Variants in FAM13A observed in about 807,000 individuals in gnomAD.
FAM13A encodes protein FAM13A.
In FAM13A, 76 loss-of-function variants were observed where a neutral mutation model predicts 129.6. That is an observed-to-expected ratio of 0.59 (90% CI 0.49 to 0.71). The LOEUF is 0.71. Ranked by LOEUF, FAM13A falls within the 30% of genes least tolerant of loss-of-function variation. FAM13A has a pLI of 0.00. For synonymous variants in FAM13A, 443 were observed against 449.9 expected (o/e 0.98, Z 0.20); for missense variants, 1,108 against 1,249.3 (o/e 0.89, Z 1.70).
At chr4:88,833,566 T>C (rs142590217) in intron 7 of FAM13A, among the ~76,000 whole-genome samples, 32 of 152,184 alleles carry the variant, frequency 2.1e-4, no homozygotes, top group African/African-American at 7.0e-4. Flanking sequence ...AAAATAAAAA[T>C]GAAACAAAAT....
intron 7 of FAM13A, among the ~76,000 whole-genome samples, chr4:88,842,888 AGATTTTT>A (rs1369558650): frequency 6.6e-6 from 1 of 152,254 alleles, no homozygotes; most frequent in Admixed American, 6.5e-5. Flanking sequence ...ATTGAAGGGC[AGATTTTT>A]GTGAATGAGT....
intron 7 of FAM13A, among the ~76,000 whole-genome samples, chr4:88,818,492 A>G (rs1213944265): frequency 1.3e-5 from 2 of 152,204 alleles, no homozygotes; most frequent in Non-Finnish European, 2.9e-5. Context: ...TTACTTTTTC[A>G]GTGGTTTAGA....
chr4:88,807,838 A>AT (rs1047587848), intron 7 of FAM13A, among the ~76,000 whole-genome samples: 1 of 152,204 alleles, frequency 6.6e-6, no homozygotes, highest in Non-Finnish European at 1.5e-5. Context: ...ATAAGCAAAT[A>AT]TTTTATCTGG....
chr4:88,961,824 A>G (rs1395577488), intron 4 of FAM13A, among the ~76,000 whole-genome samples: 1 of 152,204 alleles, frequency 6.6e-6, no homozygotes, highest in Non-Finnish European at 1.5e-5. Context: ...AGGGCTGCAA[A>G]AACAGCTTTT....
chr4:88,749,876 A>C lies in FAM13A; in HGVS notation c.1974T>G (p.Asp658Glu), dbSNP rs761574196. 1.2e-6 allele frequency: 2 copies of C among 1,613,936 alleles called. No homozygotes were observed. Among genetic ancestry groups the C allele is most frequent in the East Asian group, 4.5e-5 (2 of 44,886 alleles). ...GGGCAGGTGTCAGGTCCTCTTGCTC[A>C]TCATCATAGGACCCCAGAGAGGAGC... The part of the protein sequence containing the change: ...RRSSSLGSYD[D>E]EQEDLTPAQL... The change falls in exon 16 of 24, where the codon GAT (aspartate) becomes GAG (glutamate). Residue 658 changes from aspartate (D) to glutamate (E), a missense_variant. By Grantham distance (45) the Asp-to-Glu change is conservative (BLOSUM62 2). Around this residue, in one of 3 missense-constraint regions of FAM13A, gnomAD observed 529 missense variants for 621.2 expected, o/e 0.85. Transcript: ENST00000264344.
intron 6 of FAM13A, among the ~76,000 whole-genome samples, chr4:88,898,524 A>C (rs1746726418): frequency 6.6e-6 from 1 of 152,164 alleles, no homozygotes; most frequent in South Asian, 2.1e-4. Flanking sequence ...TTATTTCTTT[A>C]AAAATAAACC....
chr4:88,963,473 T>C (rs190098830), intron 4 of FAM13A, among the ~76,000 whole-genome samples: 28 of 152,230 alleles, frequency 1.8e-4, no homozygotes, highest in Non-Finnish European at 3.1e-4. Context: ...AATTTTTGTA[T>C]TTTTATTAGA....
At chr4:88,815,812 T>C (rs1730604925) in intron 7 of FAM13A, among the ~76,000 whole-genome samples, 1 of 152,144 alleles carries the variant, frequency 6.6e-6, no homozygotes, top group Admixed American at 6.5e-5. Flanking sequence ...TACGTTTATT[T>C]AGAAAAATTA....
At position 88,747,648 on chromosome 4, in the gene FAM13A, G is replaced by A. The variant is rs761238775; in HGVS notation, c.2365C>T (p.Arg789Cys). The A allele has an allele frequency of 2.2e-5, 36 of 1,613,994 alleles. No homozygotes were observed. Among genetic ancestry groups the A allele is most frequent in the Non-Finnish European group, 2.8e-5 (33 of 1,179,978 alleles). Residue 789 changes from arginine to cysteine, a missense_variant, in exon 18 of 24, where the codon CGC becomes TGC. Physicochemically the swap from Arg to Cys is radical, Grantham distance 180. Around this residue, in one of 3 missense-constraint regions of FAM13A, gnomAD observed 529 missense variants for 621.2 expected, o/e 0.85. Transcript: ENST00000264344. ...GATCGCACCTTAATGTCCTCAGGGCGGCTGCTTTCCGCTCGCTTCTCCTGG... is the reference window on the plus strand; with the variant it reads ...GATCGCACCTTAATGTCCTCAGGGCAGCTGCTTTCCGCTCGCTTCTCCTGG... ...KLQEKRAESS[R>C]PEDIKDMTKD...
At position 88,924,199 on chromosome 4, in the gene FAM13A, A is replaced by G. The variant is rs1284535200; in HGVS notation, c.759+13889T>C. On this transcript the variant is annotated intron_variant, in intron 5 of 23. Coordinates refer to ENST00000264344, the MANE Select transcript of FAM13A (RefSeq NM_014883.4). ...GACTTTCTTCACAGAATTGGAAAAA[A>G]CTACTTTAAAGTTCATATGGAACCC... Among the ~76,000 whole-genome samples the G allele has an allele frequency of 2.6e-5, 4 of 152,298 alleles. No individual in the cohort carries two copies. In the East Asian group the frequency reaches 7.7e-4, roughly 29 times the overall value.
chr4:88,849,951 T>G (rs1318773401), intron 7 of FAM13A, among the ~76,000 whole-genome samples: 1 of 152,204 alleles, frequency 6.6e-6, no homozygotes, highest in Admixed American at 6.5e-5. Context: ...AATACTCTTG[T>G]CTTCTTTCTC....
chr4:88,879,434 T>A (rs993358), intron 6 of FAM13A, among the ~76,000 whole-genome samples: 1 of 152,210 alleles, frequency 6.6e-6, no homozygotes, highest in Admixed American at 6.5e-5. Context: ...ATGTATTATA[T>A]GCACAATCTT....
chr4:88,877,375 A>G (rs1742714694), intron 6 of FAM13A, among the ~76,000 whole-genome samples: 1 of 152,224 alleles, frequency 6.6e-6, no homozygotes, highest in Non-Finnish European at 1.5e-5. Context: ...AGTATTTATC[A>G]TACTGAATAA....
chr4:88,932,534 A>T (rs1056158131), intron 5 of FAM13A, among the ~76,000 whole-genome samples: 1 of 152,232 alleles, frequency 6.6e-6, no homozygotes, highest in Non-Finnish European at 1.5e-5. Context: ...TTTGCATTAA[A>T]TAAGAAAAAA....
At position 88,747,861 on chromosome 4, in the gene FAM13A, A is replaced by G; in HGVS notation, c.2162-10T>C. 6.4e-7 allele frequency: 1 copy of G among 1,558,284 alleles called. No individual in the cohort carries two copies. Among genetic ancestry groups the G allele is most frequent in the Non-Finnish European group, 8.8e-7 (1 of 1,130,442 alleles). On this transcript the variant is annotated splice_polypyrimidine_tract_variant and intron_variant, in intron 17 of 23. Coordinates refer to ENST00000264344, the MANE Select transcript of FAM13A (RefSeq NM_014883.4). Reference sequence around the variant, plus strand: ...ATCTTTAGTTTTGATTCTAGTTGAGAAGATTTGGGGGTAAAGATATATGAG... The same window carrying G: ...ATCTTTAGTTTTGATTCTAGTTGAGGAGATTTGGGGGTAAAGATATATGAG...
At chr4:88,891,764 C>G (rs1457888044) in intron 6 of FAM13A, among the ~76,000 whole-genome samples, 1 of 152,134 alleles carries the variant, frequency 6.6e-6, no homozygotes, top group Non-Finnish European at 1.5e-5. Context: ...TCATTTAAGA[C>G]AAAAACTCTT....
At chr4:88,920,019 C>T (rs10028679) in intron 5 of FAM13A, among the ~76,000 whole-genome samples, 44,470 of 152,190 alleles carry the variant, frequency 0.29, 6,902 homozygotes, top group African/African-American at 0.4. Context: ...ATTGCCCAGG[C>T]TTGCTTAGGT....
rs932648399 is a variant in FAM13A at position 88,877,826 on chromosome 4, T to C, written c.844-26643A>G. 2.6e-5 allele frequency among the ~76,000 whole-genome samples: 4 copies of C among 152,352 alleles called. No homozygotes were observed. The East Asian group carries it at 7.7e-4, about 29-fold the overall frequency. ...ACCTCAACTTTCTCCTTGAATCTTC[T>C]ACTTCCCACCTCTTATATTGTACAT... On this transcript the variant is annotated intron_variant, in intron 6 of 23. Coordinates refer to ENST00000264344, the MANE Select transcript of FAM13A (RefSeq NM_014883.4).
chr4:88,809,864 TG>T (rs1729310603), intron 7 of FAM13A, among the ~76,000 whole-genome samples: 1 of 146,686 alleles, frequency 6.8e-6, no homozygotes, highest in Admixed American at 6.8e-5. Context: ...AAAGTCCCGG[TG>T]GGCTTTTTTT....
Sources: allele counts gnomAD v4.1 joint callset (sites outside exome capture counted in the v4.1 genomes callset), GRCh38; gene constraint gnomAD v4.1.1; regional missense constraint gnomAD v4.1.1; transcripts MANE v1.5; gene names NCBI Gene and HGNC (gene_info 2026-07-23, HGNC 2026-07-21).